The following WSCD1 variants were observed in gnomAD, a reference collection of about 807,000 sequenced individuals.
The protein encoded by WSCD1 is sialate:O-sulfotransferase 1.
WSCD1 carries 41 observed loss-of-function variants against 60.4 expected under a neutral mutation model. The ratio of observed to expected loss-of-function variants is 0.68; its 90% CI spans 0.53 to 0.88. The LOEUF is 0.88. Among genes scored for constraint, WSCD1 ranks in the 40% least tolerant of loss-of-function variants. The probability of loss-of-function intolerance (pLI) is 0.00; values close to 1 mark genes in which losing one functional copy is unlikely to be tolerated. For missense variants in WSCD1, 784 were observed against 796.2 expected, an observed-to-expected ratio of 0.98 and a Z score of 0.18; for synonymous variants, 361 against 332.5, an observed-to-expected ratio of 1.09 and a Z score of -0.93.
At position 6,092,907 on chromosome 17, in the gene WSCD1, C is replaced by A. The variant is rs188142264; in HGVS notation, c.728-2195C>A. Among the ~76,000 whole-genome samples, 14 of 152,214 alleles carry A rather than the reference C, an allele frequency of 9.2e-5. No individual in the cohort carries two copies. The South Asian group carries it at 2.5e-3, about 27-fold the overall frequency. ...TGCCTCTTTGGGCAGGCTGTGGAGC[C>A]CCCCGTGAGGTACCTTTGCCTTCCT... On this transcript the variant is annotated intron_variant, in intron 4 of 8. Coordinates refer to ENST00000317744, the MANE Select transcript of WSCD1 (RefSeq NM_015253.2).
intron 5 of WSCD1, among the ~76,000 whole-genome samples, chr17:6,103,938 C>G (rs1291842911): frequency 1.3e-5 from 2 of 152,130 alleles, no homozygotes; most frequent in African/African-American, 2.4e-5. Flanking sequence ...GACTCCAGAG[C>G]CTGTGTTAGC....
chr17:6,080,586 C>T lies in WSCD1; in HGVS notation c.-73C>T, dbSNP rs1909165974. 2 of 1,532,972 alleles carry T rather than the reference C, an allele frequency of 1.3e-6. No individual in the cohort carries two copies. The highest frequency in any genetic ancestry group is 4.0e-5 in the Admixed American group (2 of 50,228). 95.0% of individuals were successfully genotyped at this position (1,532,972 alleles called of 1,614,324 possible). ...GATGCAAGGATGACGCCTCCGGAGG[C>T]CCTGGCCTCACTCCCACCTGGGCGC... On this transcript the variant is annotated 5_prime_UTR_variant, in exon 2 of 9. Transcript: ENST00000317744. This position sits in a 1 kb window ranked among gnomAD's most constrained non-coding sequence, Gnocchi z 6.6.
Position 6,080,799 on chromosome 17 carries a change from G to T in WSCD1, c.141G>T (p.Arg47=), listed in dbSNP as rs753420039. 1 of 1,609,998 alleles carries T rather than the reference G, an allele frequency of 6.2e-7. No homozygotes were observed. The highest frequency in any genetic ancestry group is 8.5e-7 in the Non-Finnish European group (1 of 1,178,708). Residue 47 remains arginine (R), a synonymous_variant, in exon 2 of 9, where the codon CGG becomes CGT. Transcript: ENST00000317744. The surrounding 1 kb of genome is among the most constrained non-coding windows in gnomAD (Gnocchi z 6.6). The part of the protein sequence containing the change: ...RVRVALPQGP[R]APGPLQTLPV... The stretch of plus-strand genomic sequence containing the variant: ...GCGTGGCTCTCCCACAGGGCCCCCG[G>T]GCACCCGGCCCCCTGCAGACCTTGC...
At chr17:6,086,274 T>TATATATATATATATATATATATAC (rs1171616404) in intron 2 of WSCD1, among the ~76,000 whole-genome samples, 12 of 145,734 alleles carry the variant, frequency 8.2e-5, no homozygotes, top group South Asian at 4.3e-4. Flanking sequence ...TATATATATA[T>TATATATATATATATATATATATAC]ACTTATGTAC....
At chr17:6,108,054 G>A (rs1009337289) in intron 5 of WSCD1, among the ~76,000 whole-genome samples, 2 of 152,034 alleles carry the variant, frequency 1.3e-5, no homozygotes, top group Non-Finnish European at 2.9e-5. Flanking sequence ...GAGAGCATGC[G>A]GCCTGTACTT....
chr17:6,076,388 G>A (rs188451367), intron 1 of WSCD1, among the ~76,000 whole-genome samples: 9 of 152,344 alleles, frequency 5.9e-5, no homozygotes, highest in Admixed American at 5.9e-4. Context: ...GGGATCAGCT[G>A]TGAGCAAGAG....
Position 6,090,440 on chromosome 17 carries a change from T to G in WSCD1, c.662T>G (p.Val221Gly). Residue 221 changes from valine to glycine, a missense_variant, in exon 4 of 9, where the codon GTG becomes GGG. By Grantham distance (109) the Val-to-Gly change is moderately radical. Transcript: ENST00000317744. ...GAGTGCAAAGGCGAGAAGGGCTCTG[T>G]GTGCGGGGCTGTGGACCGGCTCTCC... ...NHECKGEKGS[V>G]CGAVDRLSVY... 6.2e-7 allele frequency: 1 copy of G among 1,613,230 alleles called. No homozygotes were observed. Among genetic ancestry groups the G allele is most frequent in the South Asian group, 1.1e-5 (1 of 90,944 alleles).
chr17:6,110,967 C>A lies in WSCD1; in HGVS notation c.1174+32C>A, dbSNP rs1158545619. On this transcript the variant is annotated intron_variant, in intron 7 of 8. Transcript: ENST00000317744. The surrounding 1 kb of genome is among the most constrained non-coding windows in gnomAD (Gnocchi z 4.8). ...CAAAGCTACAGGGGACGATGGAAGGCAGCTCCCGGTGACCAAACTGTCACC... is the reference window on the plus strand; with the variant it reads ...CAAAGCTACAGGGGACGATGGAAGGAAGCTCCCGGTGACCAAACTGTCACC... 2 of 1,562,578 alleles carry A rather than the reference C, an allele frequency of 1.3e-6. No homozygotes were observed. The highest frequency in any genetic ancestry group is 3.7e-5 in the Admixed American group (2 of 54,728).
chr17:6,076,488 C>T (rs73974649), intron 1 of WSCD1, among the ~76,000 whole-genome samples: 1,982 of 152,286 alleles, frequency 0.013, 45 homozygotes, highest in African/African-American at 0.045. Context: ...ACAGCTACTA[C>T]AGGCCCGTCC....
chr17:6,124,109 A>G lies in WSCD1; in HGVS notation c.*3448A>G, dbSNP rs768301656. 5 of 152,250 alleles carry G rather than the reference A, an allele frequency of 3.3e-5. No homozygotes were observed. The highest frequency in any genetic ancestry group is 7.3e-5 in the Non-Finnish European group (5 of 68,060). 9.4% of individuals were successfully genotyped at this position (152,250 alleles called of 1,614,324 possible). A position where few individuals can be genotyped will look rare whatever the true frequency, so the allele number is the denominator to read the frequency against. On this transcript the variant is annotated 3_prime_UTR_variant, in exon 9 of 9. Transcript: ENST00000317744. ...TCCAGCTATGGTGACTGGGTTAGGTATGATCTTGTGAGTTAAGACAATGAA... is the reference window on the plus strand; with the variant it reads ...TCCAGCTATGGTGACTGGGTTAGGTGTGATCTTGTGAGTTAAGACAATGAA...
chr17:6,106,736 G>A (rs1911105756), intron 5 of WSCD1, among the ~76,000 whole-genome samples: 1 of 152,178 alleles, frequency 6.6e-6, no homozygotes, highest in East Asian at 1.9e-4. Context: ...GCATGGTGAG[G>A]GAATAGCATG....
intron 7 of WSCD1, among the ~76,000 whole-genome samples, chr17:6,113,626 A>G (rs1230144531): frequency 6.6e-6 from 1 of 152,224 alleles, no homozygotes; most frequent in African/African-American, 2.4e-5. Flanking sequence ...ACCAAAGTAT[A>G]TAAGGAACTC....
At chr17:6,083,640 G>C (rs574355376) in intron 2 of WSCD1, among the ~76,000 whole-genome samples, 1 of 152,104 alleles carries the variant, frequency 6.6e-6, no homozygotes, top group Admixed American at 6.6e-5. Context: ...TTAGCCAGGC[G>C]TGGTGGCACG....
intron 4 of WSCD1, among the ~76,000 whole-genome samples, chr17:6,091,996 A>G (rs1910082560): frequency 1.3e-5 from 2 of 152,064 alleles, no homozygotes; most frequent in Admixed American, 6.5e-5. Flanking sequence ...CTCTACTAAA[A>G]ATACAAAATT....
intron 5 of WSCD1, among the ~76,000 whole-genome samples, chr17:6,108,145 A>C (rs548617580): frequency 6.6e-6 from 1 of 152,146 alleles, no homozygotes; most frequent in African/African-American, 2.4e-5. Context: ...CCTCCCGCCA[A>C]TGCCCCAGGC....
chr17:6,093,756 G>T (rs912878114), intron 4 of WSCD1, among the ~76,000 whole-genome samples: 4 of 152,236 alleles, frequency 2.6e-5, no homozygotes, highest in Non-Finnish European at 4.4e-5. Context: ...GACAACCCTA[G>T]GAACTACGCT....
intron 5 of WSCD1, among the ~76,000 whole-genome samples, chr17:6,099,727 C>A (rs1185117664): frequency 6.6e-6 from 1 of 151,926 alleles, no homozygotes; most frequent in Non-Finnish European, 1.5e-5. Context: ...CTGGTCAAAC[C>A]AATCCCCTGG....
chr17:6,080,911 G>T lies in WSCD1; in HGVS notation c.253G>T (p.Val85Leu). 1 of 1,596,332 alleles carries T rather than the reference G, an allele frequency of 6.3e-7. No homozygotes were observed. The highest frequency in any genetic ancestry group is 1.1e-5 in the South Asian group (1 of 89,078). The change falls in exon 2 of 9, where the codon GTG (valine) becomes TTG (leucine). Residue 85 changes from valine (V) to leucine (L), a missense_variant. Val to Leu is a conservative substitution (Grantham distance 32, BLOSUM62 1). Coordinates refer to ENST00000317744, the MANE Select transcript of WSCD1 (RefSeq NM_015253.2). This position sits in a 1 kb window ranked among gnomAD's most constrained non-coding sequence, Gnocchi z 6.6. ...AGTCAGCCCAGAGCTGCTGCTGGGT[G>T]TGGACATGCTGCAGAGCCCCCTGAC... ...PRVSPELLLG[V>L]DMLQSPLTRP...
intron 5 of WSCD1, among the ~76,000 whole-genome samples, chr17:6,103,691 G>A (rs763360241): frequency 5.9e-5 from 9 of 152,166 alleles, no homozygotes; most frequent in East Asian, 1.9e-4. Context: ...GTGCTACAGC[G>A]CACGGAGAAG....
Sources: gnomAD v4.1 joint callset for allele counts (sites outside exome capture counted in the v4.1 genomes callset) on GRCh38, gnomAD v4.1.1 for gene constraint, Gnocchi (gnomAD v3.1) non-coding constraint, MANE v1.5 for transcripts, NCBI Gene and HGNC (gene_info 2026-07-23, HGNC 2026-07-21) for gene names.